Variants in RANBP2 observed in about 807,000 individuals in gnomAD.
RANBP2 encodes the protein RAN binding protein 2, also known as E3 SUMO-protein ligase RanBP2.
A neutral mutation model predicts 303.6 loss-of-function variants in RANBP2; 57 were observed. The observed-to-expected ratio is 0.19, with a 90% CI of 0.15 to 0.23. RANBP2 has a LOEUF of 0.23. Among genes scored for constraint, RANBP2 ranks in the 10% least tolerant of loss-of-function variants. The pLI, the probability that RANBP2 is intolerant of heterozygous loss-of-function variation, is 1.00. For missense variants in RANBP2, 3,138 were observed against 3,780.8 expected, an observed-to-expected ratio of 0.83 and a Z score of 4.46; for synonymous variants, 1,167 against 1,301.5, an observed-to-expected ratio of 0.90 and a Z score of 2.23.
At chr2:109,642,633 A>G in the RANBP2 span, among the ~76,000 whole-genome samples, 1 of 150,418 alleles carries the variant, frequency 6.6e-6, no homozygotes, top group East Asian at 2.0e-4. Context: ...CCTGTAGGCA[A>G]CAGAGCAAGA....
chr2:109,556,345 C>A, the RANBP2 span, among the ~76,000 whole-genome samples: 4 of 152,166 alleles, frequency 2.6e-5, no homozygotes, highest in Non-Finnish European at 4.4e-5. Flanking sequence ...AAAAATAAAT[C>A]AATTTCAAAA....
rs113447280 is a variant in RANBP2 at position 108,719,689 on chromosome 2, C to G, written c.72+11C>G. 8.7e-3 allele frequency: 13,972 copies of G among 1,597,440 alleles called. 911 individuals carry two copies. In the African/African-American group the frequency reaches 0.15, roughly 17 times the overall value. ...CCGTCGCCTCGACAGGTGAGTGGGT[C>G]TCGAAGAGACCGACGGCCTCGACCT... On this transcript the variant is annotated intron_variant, in intron 1 of 28. Transcript: ENST00000283195.
chr2:109,348,359 C>G, the RANBP2 span, among the ~76,000 whole-genome samples: 1 of 152,218 alleles, frequency 6.6e-6, no homozygotes, highest in South Asian at 2.1e-4. Context: ...TACAGAGACC[C>G]TGGTCAGCTC....
the RANBP2 span, among the ~76,000 whole-genome samples, chr2:109,197,302 A>T: frequency 9.9e-5 from 15 of 152,080 alleles, no homozygotes; most frequent in African/African-American, 3.6e-4. Flanking sequence ...TCATTCTGGG[A>T]GGGCTGCTGT....
At chr2:109,255,465 G>A in the RANBP2 span, among the ~76,000 whole-genome samples, 10 of 152,198 alleles carry the variant, frequency 6.6e-5, no homozygotes, top group Non-Finnish European at 1.0e-4. Flanking sequence ...GGTTGGACTG[G>A]GGTTCGTATT....
chr2:109,383,598 C>G, the RANBP2 span, among the ~76,000 whole-genome samples: 1 of 152,146 alleles, frequency 6.6e-6, no homozygotes, highest in Admixed American at 6.5e-5. Flanking sequence ...ATGCCCAAAC[C>G]GTGTGTGTGC....
chr2:109,432,122 AG>A, the RANBP2 span, among the ~76,000 whole-genome samples: 1 of 152,208 alleles, frequency 6.6e-6, no homozygotes, highest in African/African-American at 2.4e-5. Flanking sequence ...AGACTTTAGA[AG>A]AGGAAAACAC....
At chr2:109,237,041 A>G in the RANBP2 span, among the ~76,000 whole-genome samples, 1 of 152,226 alleles carries the variant, frequency 6.6e-6, no homozygotes, top group Non-Finnish European at 1.5e-5. Flanking sequence ...ACACAAATGA[A>G]AGCAGTGACA....
chr2:108,911,526 CCT>C, the RANBP2 span, among the ~76,000 whole-genome samples: 3 of 152,218 alleles, frequency 2.0e-5, no homozygotes, highest in Admixed American at 6.5e-5. Context: ...GCAATTTCAA[CCT>C]AAGTGTCATT....
the RANBP2 span, among the ~76,000 whole-genome samples, chr2:109,154,120 T>G: frequency 6.6e-6 from 1 of 152,136 alleles, no homozygotes; most frequent in Non-Finnish European, 1.5e-5. Context: ...TCTCGTGTGT[T>G]TAAAACTGGT....
the RANBP2 span, among the ~76,000 whole-genome samples, chr2:109,407,451 G>C: frequency 1.3e-5 from 2 of 152,196 alleles, no homozygotes; most frequent in Non-Finnish European, 2.9e-5. Context: ...GTGTTGGCTG[G>C]GTCTTATTAT....
At chr2:108,911,122 G>T in the RANBP2 span, 4 of 1,612,396 alleles carry the variant, frequency 2.5e-6, no homozygotes, top group Non-Finnish European at 3.4e-6. Context: ...GATCCCTGCT[G>T]GTCTTCCCTC....
the RANBP2 span, among the ~76,000 whole-genome samples, chr2:109,709,186 A>G: frequency 1.3e-5 from 2 of 150,674 alleles, no homozygotes; most frequent in African/African-American, 2.4e-5. Context: ...CATGCCTGTA[A>G]TTCCAGCTAC....
the RANBP2 span, among the ~76,000 whole-genome samples, chr2:109,193,269 A>G: frequency 6.6e-6 from 1 of 152,216 alleles, no homozygotes; most frequent in African/African-American, 2.4e-5. Flanking sequence ...CAGCATTTAC[A>G]TTTTTTTCTT....
intron 6 of RANBP2, among the ~76,000 whole-genome samples, chr2:108,739,161 G>A (rs1411426672): frequency 3.9e-5 from 6 of 151,986 alleles, no homozygotes; most frequent in Admixed American, 1.3e-4. Flanking sequence ...CCAGCACTTT[G>A]GGAGGCCGAG....
the RANBP2 span, among the ~76,000 whole-genome samples, chr2:109,328,459 C>G: frequency 6.6e-6 from 1 of 152,170 alleles, no homozygotes; most frequent in Non-Finnish European, 1.5e-5. Flanking sequence ...CCCTGTATTT[C>G]CTGTAAACTG....
At chr2:109,684,538 C>CTT in the RANBP2 span, among the ~76,000 whole-genome samples, 51,136 of 135,574 alleles carry the variant, frequency 0.38, 9,851 homozygotes, top group Middle Eastern at 0.47. Context: ...TGCACCCGGG[C>CTT]TTTTTTTTTT....
chr2:109,023,992 C>A, the RANBP2 span, among the ~76,000 whole-genome samples: 1 of 152,138 alleles, frequency 6.6e-6, no homozygotes, highest in Non-Finnish European at 1.5e-5. Context: ...ATGGCATGAT[C>A]TCGGCTCACC....
At chr2:108,886,489 C>A in the RANBP2 span, among the ~76,000 whole-genome samples, 110,671 of 152,036 alleles carry the variant, frequency 0.73, 43,057 homozygotes, top group East Asian at 0.95. Context: ...ATCTCAGCTC[C>A]CTGCACGCTC....
Sources: allele counts gnomAD v4.1 joint callset (sites outside exome capture counted in the v4.1 genomes callset), GRCh38; gene constraint gnomAD v4.1.1; transcripts MANE v1.5; gene names NCBI Gene and HGNC (gene_info 2026-07-23, HGNC 2026-07-21).